The following SRPK1 variants were observed in gnomAD, a reference collection of about 807,000 sequenced individuals.
The protein encoded by SRPK1 is SFRS protein kinase 1.
Under a neutral mutation model 89.5 loss-of-function variants are expected in SRPK1, and 52 were observed. That is an observed-to-expected ratio of 0.58 (90% confidence interval 0.46 to 0.73). The LOEUF is 0.73. Ranked by LOEUF, SRPK1 falls within the 30% of genes least tolerant of loss-of-function variation. The pLI is 0.00. For missense variants in SRPK1, 603 were observed against 780.6 expected (o/e 0.77, Z 2.71); for synonymous variants, 255 against 270.2 (o/e 0.94, Z 0.55).
chr6:35,842,831 A>T (rs1769340907), intron 13 of SRPK1, among the ~76,000 whole-genome samples: 2 of 152,012 alleles, frequency 1.3e-5, no homozygotes, highest in African/African-American at 4.8e-5. Context: ...AAATACTAAC[A>T]TGTGGGTTAT....
At chr6:35,865,791 C>A (rs1769883612) in intron 12 of SRPK1, among the ~76,000 whole-genome samples, 1 of 152,016 alleles carries the variant, frequency 6.6e-6, no homozygotes, top group African/African-American at 2.4e-5. Flanking sequence ...AAAATCAACC[C>A]AAGACCAATT....
chr6:35,879,424 T>C (rs903211869), intron 6 of SRPK1, among the ~76,000 whole-genome samples: 9 of 152,040 alleles, frequency 5.9e-5, no homozygotes, highest in Admixed American at 4.6e-4. Flanking sequence ...CATGCAACTG[T>C]AGTCTCAGCT....
intron 11 of SRPK1, 24 bp from the exon 12 acceptor site, chr6:35,869,134 TAAGA>T: frequency 6.4e-7 from 1 of 1,567,874 alleles, no homozygotes; most frequent in African/African-American, 1.3e-5. Flanking sequence ...GCATCATCAA[TAAGA>T]CTGTTCAATG....
chr6:35,843,691 C>G (rs377752193), intron 13 of SRPK1, among the ~76,000 whole-genome samples: 1 of 151,410 alleles, frequency 6.6e-6, no homozygotes, highest in African/African-American at 2.4e-5. Context: ...CCTCATGATC[C>G]ACCCGCCTCT....
At position 35,842,603 on chromosome 6, in the gene SRPK1, G is replaced by A. The variant is rs768705670; in HGVS notation, c.1622C>T (p.Ala541Val). 6.3e-7 allele frequency: 1 copy of A among 1,597,868 alleles called. No homozygotes were observed. ...PADIWSTACM[A>V]FELATGDYLF... is the part of the protein sequence containing the mutation. The stretch of plus-strand genomic sequence containing the variant: ...ATAGTCACCTGTGGCCAGTTCAAAG[G>A]CCTAAAAAAAAAAGAGGACAGTATA... Residue 541 changes from alanine to valine, a missense_variant and splice_region_variant, in exon 14 of 16, where the codon GCC becomes GTC. By Grantham distance (64) the Ala-to-Val change is moderately conservative. Transcript: ENST00000373825.
intron 13 of SRPK1, among the ~76,000 whole-genome samples, chr6:35,854,130 T>C (rs1239377598): frequency 6.6e-6 from 1 of 152,144 alleles, no homozygotes; most frequent in Non-Finnish European, 1.5e-5. Flanking sequence ...TTTGTATTTT[T>C]AGTAGAGACA....
At chr6:35,869,291 C>T (rs975254678) in intron 11 of SRPK1, among the ~76,000 whole-genome samples, 181 bp from the exon 12 acceptor site, 2 of 152,168 alleles carry the variant, frequency 1.3e-5, no homozygotes, top group Non-Finnish European at 2.9e-5. Context: ...CCTCTGCCCT[C>T]ACAGCAACAA....
intron 2 of SRPK1, among the ~76,000 whole-genome samples, chr6:35,907,650 A>C (rs1202685797): frequency 6.6e-6 from 1 of 152,088 alleles, no homozygotes; most frequent in Non-Finnish European, 1.5e-5. Flanking sequence ...GGTTGCAGTG[A>C]GCCGAGATTG....
chr6:35,888,722 A>G, intron 4 of SRPK1, 93 bp downstream of exon 4: 2 of 832,008 alleles, frequency 2.4e-6, no homozygotes, highest in Non-Finnish European at 4.1e-6. Flanking sequence ...ATCAGGCTAG[A>G]GATAGATTGA....
chr6:35,839,640 T>C (rs201256024), intron 14 of SRPK1, among the ~76,000 whole-genome samples: 3,659 of 72,602 alleles, frequency 0.05, 60 homozygotes, highest in South Asian at 0.12. Flanking sequence ...GCCCCCCCCC[T>C]TTTTTTTTTC....
intron 13 of SRPK1, among the ~76,000 whole-genome samples, chr6:35,853,235 C>T (rs919472529): frequency 4.6e-5 from 7 of 151,978 alleles, no homozygotes; most frequent in Non-Finnish European, 1.0e-4. Flanking sequence ...CACACCACTG[C>T]ACTCCAGCCT....
At chr6:35,869,938 T>TACAC in intron 10 of SRPK1, 37 bp from the exon 11 acceptor site, 1 of 1,497,618 alleles carries the variant, frequency 6.7e-7, no homozygotes, top group East Asian at 2.3e-5. Flanking sequence ...TATATGCATA[T>TACAC]GTGTGTGAGT....
intron 2 of SRPK1, among the ~76,000 whole-genome samples, chr6:35,898,594 T>C (rs747415400): frequency 1.3e-5 from 2 of 152,176 alleles, no homozygotes; most frequent in Admixed American, 6.5e-5. Flanking sequence ...TAGCCATGCA[T>C]GGTGGCAGGC....
chr6:35,860,660 A>C (rs1165323095), intron 12 of SRPK1, among the ~76,000 whole-genome samples: 2 of 152,232 alleles, frequency 1.3e-5, no homozygotes, highest in Non-Finnish European at 2.9e-5. Flanking sequence ...GTGGTAAACC[A>C]GAAAAACTTT....
At chr6:35,875,159 C>T (rs1344730355) in intron 6 of SRPK1, among the ~76,000 whole-genome samples, 1 of 152,094 alleles carries the variant, frequency 6.6e-6, no homozygotes, top group African/African-American at 2.4e-5. Flanking sequence ...ACAGGGTAAA[C>T]TTGGAACACC....
At chr6:35,895,435 TTGTGTGTGTG>T (rs10566123) in intron 2 of SRPK1, among the ~76,000 whole-genome samples, 5 of 147,868 alleles carry the variant, frequency 3.4e-5, no homozygotes, top group East Asian at 2.0e-4. Context: ...AGGCATATGC[TTGTGTGTGTG>T]TGTGTGTGTG....
At chr6:35,895,116 C>A (rs1280177138) in intron 2 of SRPK1, among the ~76,000 whole-genome samples, 1 of 151,972 alleles carries the variant, frequency 6.6e-6, no homozygotes, top group African/African-American at 2.4e-5. Context: ...AGAGGTAACA[C>A]AAGGGAGAAA....
intron 15 of SRPK1, among the ~76,000 whole-genome samples, chr6:35,836,028 CA>C (rs1407996653): frequency 1.3e-5 from 2 of 152,084 alleles, no homozygotes; most frequent in Non-Finnish European, 2.9e-5. Flanking sequence ...TACTCTATAC[CA>C]GGGGTCCCCA....
chr6:35,871,777 T>G (rs1431621732), intron 8 of SRPK1, among the ~76,000 whole-genome samples: 1 of 152,246 alleles, frequency 6.6e-6, no homozygotes, highest in Non-Finnish European at 1.5e-5. Flanking sequence ...GGTCTCACTT[T>G]GTTGCCTATG....
Sources: allele counts gnomAD v4.1 joint callset (sites outside exome capture counted in the v4.1 genomes callset), GRCh38; gene constraint gnomAD v4.1.1; transcripts MANE v1.5; gene names NCBI Gene and HGNC (gene_info 2026-07-23, HGNC 2026-07-21).